Variants in NPR2 observed in about 807,000 individuals in gnomAD.
NPR2 encodes atrial natriuretic peptide receptor 2.
Under a neutral mutation model 120.7 loss-of-function variants are expected in NPR2, and 49 were observed. That is an observed-to-expected ratio of 0.41 (90% CI 0.32 to 0.52). NPR2 has a LOEUF of 0.52. NPR2 is among the 20% of genes least tolerant of loss of function. NPR2 has a pLI of 0.36. For synonymous variants in NPR2, 484 were observed against 519.8 expected, an observed-to-expected ratio of 0.93 and a Z score of 0.94; for missense variants, 931 against 1,362.9, an observed-to-expected ratio of 0.68 and a Z score of 4.99.
chr9:35,800,171 G>T lies in NPR2; in HGVS notation c.1123+14G>T. 1 of 1,609,836 alleles carries T rather than the reference G, an allele frequency of 6.2e-7. No homozygotes were observed. Among genetic ancestry groups the T allele is most frequent in the Non-Finnish European group, 8.5e-7 (1 of 1,176,100 alleles). The stretch of plus-strand genomic sequence containing the variant: ...GAAGATATCACGGTAATGAAGAGGG[G>T]TCAATGGGGGTCTGAGGGCTGATGT... On this transcript the variant is annotated intron_variant, in intron 4 of 21. Coordinates refer to ENST00000342694, the MANE Select transcript of NPR2 (RefSeq NM_003995.4). This position sits in a 1 kb window ranked among gnomAD's most constrained non-coding sequence, Gnocchi z 4.7.
At position 35,807,153 on chromosome 9, in the gene NPR2, G is replaced by T; in HGVS notation, c.2643+7G>T. 2.4e-6 allele frequency: 3 copies of T among 1,270,490 alleles called. No homozygotes were observed. The East Asian group carries it at 8.9e-5, about 38-fold the overall frequency. 78.7% of individuals were successfully genotyped at this position (1,270,490 alleles called of 1,614,324 possible). A position where few individuals can be genotyped will look rare whatever the true frequency, so the allele number is the denominator to read the frequency against. On this transcript the variant is annotated splice_region_variant and intron_variant, in intron 17 of 21. Coordinates refer to ENST00000342694, the MANE Select transcript of NPR2 (RefSeq NM_003995.4). ...AGAGAGCACCCCCATGCAGGTGAGA[G>T]CCATGGGTGAGAGGTGGCGGGTGGG...
intron 2 of NPR2, among the ~76,000 whole-genome samples, chr9:35,798,138 G>C (rs2132074774): frequency 6.6e-6 from 1 of 152,322 alleles, no homozygotes; most frequent in Middle Eastern, 3.4e-3. Context: ...TAACAAACTA[G>C]CCAAACTTAG....
In NPR2 at chr9:35,805,472, G is replaced by T. The variant is rs1452417635; in HGVS notation, c.1888-39G>T. On this transcript the variant is annotated intron_variant, in intron 12 of 21. Coordinates refer to ENST00000342694, the MANE Select transcript of NPR2 (RefSeq NM_003995.4). The surrounding 1 kb of genome is among the most constrained non-coding windows in gnomAD (Gnocchi z 4.9). ...CATGGAGAGAGGGTATTCTAAGCCA[G>T]ATATGATCCAATCCCATGACTTGAT... 6 of 1,609,180 alleles carry T rather than the reference G, an allele frequency of 3.7e-6. No individual in the cohort carries two copies. The highest frequency in any genetic ancestry group is 1.7e-5 in the Admixed American group (1 of 60,002).
intron 2 of NPR2, among the ~76,000 whole-genome samples, chr9:35,799,232 A>G (rs1003943795): frequency 1.3e-5 from 2 of 152,178 alleles, no homozygotes; most frequent in Non-Finnish European, 2.9e-5. Flanking sequence ...AGCATGGGAC[A>G]GAGGAGCCGT....
chr9:35,807,188 G>GGGGGGGGGGGGGGGGGC, intron 17 of NPR2, 42 bp downstream of exon 17: 1 of 464,610 alleles, frequency 2.2e-6, no homozygotes, highest in Non-Finnish European at 4.3e-6. Context: ...GGTTGGGTGG[G>GGGGGGGGGGGGGGGGGC]TAGGGACCTG....
rs1333458988 is a variant in NPR2 at position 35,792,655 on chromosome 9, A to T, written c.247A>T (p.Ser83Cys). The change falls in exon 1 of 22, where the codon AGC becomes TGC. Residue 83 changes from serine (S) to cysteine (C), a missense_variant. This residue lies in a region of NPR2 where 681 missense variants were observed against 974.3 expected (regional missense o/e 0.70). Coordinates refer to ENST00000342694, the MANE Select transcript of NPR2 (RefSeq NM_003995.4). ...CTGCTCTGAGTACCTGGCACCGCTG[A>T]GCGCTGTGGACCTCAAGCTGTACCA... The part of the protein sequence containing the change: ...GACSEYLAPL[S>C]AVDLKLYHDP... The T allele has an allele frequency of 6.2e-7, 1 of 1,614,034 alleles. No homozygotes were observed. The highest frequency in any genetic ancestry group is 8.5e-7 in the Non-Finnish European group (1 of 1,180,026).
In NPR2 at chr9:35,806,837, C is replaced by T. The variant is rs538324099; in HGVS notation, c.2520-186C>T. ...ATGCACAGGGATTCCCCTCAAACCC[C>T]CCCGCCACTTGTGTGCCTTACCTTG... On this transcript the variant is annotated intron_variant, in intron 16 of 21. Coordinates refer to ENST00000342694, the MANE Select transcript of NPR2 (RefSeq NM_003995.4). This position sits in a 1 kb window ranked among gnomAD's most constrained non-coding sequence, Gnocchi z 4.6. Among the ~76,000 whole-genome samples the T allele has an allele frequency of 1.8e-3, 279 of 152,278 alleles. 1 individual carries two copies. Among genetic ancestry groups the T allele is most frequent in the South Asian group, 0.013 (61 of 4,814 alleles).
intron 7 of NPR2, 76 bp from the exon 8 acceptor site, chr9:35,801,566 GC>G: frequency 6.6e-7 from 1 of 1,518,764 alleles, no homozygotes; most frequent in Non-Finnish European, 9.1e-7. Context: ...CTGCAGGGAA[GC>G]CCCTGCAACC....
chr9:35,797,832 T>C (rs759988284), intron 2 of NPR2, among the ~76,000 whole-genome samples: 1 of 152,044 alleles, frequency 6.6e-6, no homozygotes, highest in Non-Finnish European at 1.5e-5. Flanking sequence ...AGGGGGACCA[T>C]GGGGTCAAAA....
chr9:35,805,437 G>C lies in NPR2; in HGVS notation c.1888-74G>C. ...CCCAAGATCTGTAGACAGCTAGCCA[G>C]TGCCCATCTCATGGAGAGAGGGTAT... On this transcript the variant is annotated intron_variant, in intron 12 of 21. Coordinates refer to ENST00000342694, the MANE Select transcript of NPR2 (RefSeq NM_003995.4). This position sits in a 1 kb window ranked among gnomAD's most constrained non-coding sequence, Gnocchi z 4.9. 6.9e-7 allele frequency: 1 copy of C among 1,442,026 alleles called. No individual in the cohort carries two copies. The highest frequency in any genetic ancestry group is 9.8e-7 in the Non-Finnish European group (1 of 1,023,676). 89.3% of individuals were successfully genotyped at this position (1,442,026 alleles called of 1,614,324 possible).
chr9:35,795,028 T>C (rs1827906309), intron 2 of NPR2, among the ~76,000 whole-genome samples: 1 of 152,186 alleles, frequency 6.6e-6, no homozygotes, highest in African/African-American at 2.4e-5. Context: ...TTGTGGGGAA[T>C]GTTGGCATGA....
rs780776158 is a variant in NPR2, at chr9:35,805,832, A to C, written c.2050A>C (p.Lys684Gln). Residue 684 changes from lysine (K) to glutamine (Q), a missense_variant and splice_region_variant, in exon 14 of 22, where the codon AAG becomes CAG. Around this residue, in one of 3 missense-constraint regions of NPR2, gnomAD observed 681 missense variants for 974.3 expected, o/e 0.70. Transcript: ENST00000342694. This position sits in a 1 kb window ranked among gnomAD's most constrained non-coding sequence, Gnocchi z 4.9. Reference protein sequence around the residue: ...PDDSHALYAKKLWTAPELLSG... With the variant: ...PDDSHALYAKQLWTAPELLSG... ...GCCAGCCGGTTTCCTCTTTTCAGAG[A>C]AGCTGTGGACTGCCCCAGAACTGCT... 1 of 1,614,142 alleles carries C rather than the reference A, an allele frequency of 6.2e-7. No individual in the cohort carries two copies. The highest frequency in any genetic ancestry group is 1.1e-5 in the South Asian group (1 of 91,084).
At chr9:35,799,754 G>A (rs749551996) in intron 3 of NPR2, 23 bp downstream of exon 3, 1 of 1,583,460 alleles carries the variant, frequency 6.3e-7, no homozygotes, top group Non-Finnish European at 8.7e-7. Flanking sequence ...CTCCCTTCCT[G>A]AGAGTCAGGT....
intron 2 of NPR2, among the ~76,000 whole-genome samples, chr9:35,795,352 T>G (rs1362803207): frequency 6.6e-6 from 1 of 152,228 alleles, no homozygotes; most frequent in African/African-American, 2.4e-5. Flanking sequence ...CCGCCACTTT[T>G]TTACTAACCG....
chr9:35,797,396 T>C (rs988123505), intron 2 of NPR2, among the ~76,000 whole-genome samples: 7 of 152,152 alleles, frequency 4.6e-5, no homozygotes, highest in African/African-American at 1.7e-4. Context: ...ATGACCAGCA[T>C]GAGATTGGGT....
chr9:35,800,328 G>A lies in NPR2; in HGVS notation c.1124-61G>A. 2.0e-6 allele frequency: 3 copies of A among 1,501,322 alleles called. No individual in the cohort carries two copies. The highest frequency in any genetic ancestry group is 1.1e-5 in the South Asian group (1 of 88,752). The allele number at this position is 1,501,322 out of a possible 1,614,324, so 93.0% of individuals were successfully genotyped here. A position where few individuals can be genotyped will look rare whatever the true frequency, so the allele number is the denominator to read the frequency against. On this transcript the variant is annotated intron_variant, in intron 4 of 21. Transcript: ENST00000342694. This position sits in a 1 kb window ranked among gnomAD's most constrained non-coding sequence, Gnocchi z 4.7. Reference sequence around the variant, plus strand: ...TAGACTCTGAGGGAGCCGTAGGCATGAGTGAGTGGGAGAGGAGCCCAGGGT... The same window carrying A: ...TAGACTCTGAGGGAGCCGTAGGCATAAGTGAGTGGGAGAGGAGCCCAGGGT...
At position 35,799,735 on chromosome 9, in the gene NPR2, A is replaced by G. The variant is rs748093955; in HGVS notation, c.987+4A>G. ...TGTGGAGCTGGGCCCTTCCCTGGTA[A>G]GTAGATCTCTCCCTTCCTGAGAGTC... On this transcript the variant is annotated splice_donor_region_variant and intron_variant, in intron 3 of 21. Coordinates refer to ENST00000342694, the MANE Select transcript of NPR2 (RefSeq NM_003995.4). 6.2e-7 allele frequency: 1 copy of G among 1,604,546 alleles called. No homozygotes were observed. The highest frequency in any genetic ancestry group is 2.2e-5 in the East Asian group (1 of 44,846).
chr9:35,800,333 A>C lies in NPR2; in HGVS notation c.1124-56A>C. 1 of 1,518,744 alleles carries C rather than the reference A, an allele frequency of 6.6e-7. No homozygotes were observed. Among genetic ancestry groups the C allele is most frequent in the South Asian group, 1.1e-5 (1 of 89,106 alleles). 94.1% of individuals were successfully genotyped at this position (1,518,744 alleles called of 1,614,324 possible). A position where few individuals can be genotyped will look rare whatever the true frequency, so the allele number is the denominator to read the frequency against. On this transcript the variant is annotated intron_variant, in intron 4 of 21. Coordinates refer to ENST00000342694, the MANE Select transcript of NPR2 (RefSeq NM_003995.4). This position sits in a 1 kb window ranked among gnomAD's most constrained non-coding sequence, Gnocchi z 4.7. ...TCTGAGGGAGCCGTAGGCATGAGTG[A>C]GTGGGAGAGGAGCCCAGGGTAGACC...
At chr9:35,793,846 G>A in intron 1 of NPR2, 52 bp from the exon 2 acceptor site, 1 of 1,569,844 alleles carries the variant, frequency 6.4e-7, no homozygotes, top group East Asian at 2.2e-5. Flanking sequence ...GGGCTGTGTG[G>A]GGGACCTGGA....
Sources: gnomAD v4.1 joint callset for allele counts (sites outside exome capture counted in the v4.1 genomes callset) on GRCh38, gnomAD v4.1.1 for gene constraint, gnomAD v4.1.1 regional missense constraint, Gnocchi (gnomAD v3.1) non-coding constraint, MANE v1.5 for transcripts, NCBI Gene and HGNC (gene_info 2026-07-23, HGNC 2026-07-21) for gene names.